Variants in KCNK3 observed in about 807,000 individuals in gnomAD.
KCNK3 encodes potassium two pore domain channel subfamily K member 3, also known as potassium channel subfamily K member 3.
A neutral mutation model predicts 27.3 loss-of-function variants in KCNK3; 9 were observed. That is an observed-to-expected ratio of 0.33 (90% CI 0.20 to 0.57). The LOEUF (loss-of-function observed/expected upper bound fraction) is 0.57. KCNK3 is among the 20% of genes least tolerant of loss of function. The pLI is 0.87. For synonymous variants in KCNK3, 278 were observed against 273.8 expected (o/e 1.02, Z -0.15); for missense variants, 391 against 577.7 (o/e 0.68, Z 3.31).
In KCNK3 at chr2:26,732,316, T is replaced by A. The variant is rs1181762747; in HGVS notation, c.*3748T>A. The A allele has an allele frequency of 6.6e-6, 1 of 152,234 alleles. No homozygotes were observed. Among genetic ancestry groups the A allele is most frequent in the South Asian group, 2.1e-4 (1 of 4,832 alleles). The allele number at this position is 152,234 out of a possible 1,614,324, so 9.4% of individuals were successfully genotyped here. ...CAGCCAATGATTCTAATACGTTCTG[T>A]TCTATTGCATGTTATAAAATGCTGG... On this transcript the variant is annotated 3_prime_UTR_variant, in exon 2 of 2. Coordinates refer to ENST00000302909, the MANE Select transcript of KCNK3 (RefSeq NM_002246.3).
At chr2:26,727,613 G>A (rs551912278) in intron 1 of KCNK3, 54 bp from the exon 2 acceptor site, 1 of 1,511,758 alleles carries the variant, frequency 6.6e-7, no homozygotes, top group East Asian at 2.3e-5. Flanking sequence ...GAAGGTTTCT[G>A]GAAGGGCAGC....
intron 1 of KCNK3, among the ~76,000 whole-genome samples, chr2:26,718,473 G>A (rs1470505659): frequency 6.6e-6 from 1 of 152,150 alleles, no homozygotes. Flanking sequence ...AAAAGTAATA[G>A]TTTTTTGTAG....
rs1423916271 is a variant in KCNK3 at position 26,727,590 on chromosome 2, C to T, written c.284-77C>T. On this transcript the variant is annotated intron_variant, in intron 1 of 1. Transcript: ENST00000302909. ...CAAGGTGGGGGAGGTGGCGGGGCAA[C>T]GGGGAGGGAGAAGAAGGTTTCTGGA... The T allele has an allele frequency of 9.9e-6, 15 of 1,509,308 alleles. No homozygotes were observed. In the East Asian group the frequency reaches 2.1e-4, roughly 21 times the overall value. The allele number at this position is 1,509,308 out of a possible 1,614,324, so 93.5% of individuals were successfully genotyped here.
At chr2:26,714,793 G>A (rs1287231671) in intron 1 of KCNK3, among the ~76,000 whole-genome samples, 1 of 123,030 alleles carries the variant, frequency 8.1e-6, no homozygotes, top group Non-Finnish European at 2.0e-5. Context: ...GGATGAGGCA[G>A]GAGAATCACT....
chr2:26,724,844 G>A (rs1663383845), intron 1 of KCNK3, among the ~76,000 whole-genome samples: 1 of 152,208 alleles, frequency 6.6e-6, no homozygotes, highest in Non-Finnish European at 1.5e-5. Context: ...GTGGGCTGGG[G>A]TAGGAGAGGC....
intron 1 of KCNK3, among the ~76,000 whole-genome samples, chr2:26,717,019 A>G (rs1463696454): frequency 6.6e-6 from 1 of 152,200 alleles, no homozygotes; most frequent in Non-Finnish European, 1.5e-5. Flanking sequence ...TCTTGGTTCT[A>G]TGGCAGAGTC....
In KCNK3 at chr2:26,728,210, G is replaced by A. The variant is rs556393203; in HGVS notation, c.827G>A (p.Gly276Asp). ...RNGQAGGGGG[G>D]GSAHTTDTAS... is the part of the protein sequence containing the mutation. ...GGGCAGGCGGGCGGCGGCGGAGGGG[G>A]TGGCAGCGCGCACACTACGGACACC... Residue 276 changes from glycine (G) to aspartate (D), a missense_variant, in exon 2 of 2, where the codon GGT becomes GAT. Coordinates refer to ENST00000302909, the MANE Select transcript of KCNK3 (RefSeq NM_002246.3). 3.3e-5 allele frequency: 52 copies of A among 1,562,824 alleles called. No homozygotes were observed. The South Asian group carries it at 5.6e-4, about 17-fold the overall frequency.
At chr2:26,706,668 G>A (rs1670377811) in intron 1 of KCNK3, among the ~76,000 whole-genome samples, 1 of 152,140 alleles carries the variant, frequency 6.6e-6, no homozygotes, top group Admixed American at 6.5e-5. Flanking sequence ...CTTGCATGCC[G>A]TGCCCAGCTA....
Position 26,729,774 on chromosome 2 carries a change from T to A in KCNK3, c.*1206T>A, listed in dbSNP as rs1234043678. 6.7e-6 allele frequency: 1 copy of A among 148,366 alleles called. No individual in the cohort carries two copies. The highest frequency in any genetic ancestry group is 1.5e-5 in the Non-Finnish European group (1 of 67,736). The allele number at this position is 148,366 out of a possible 1,614,324, so 9.2% of individuals were successfully genotyped here. ...TTGTTTGAGCCTGGGAGGTCGAGGC[T>A]GTAGTGAGCCCTGATTGCACCACTG... On this transcript the variant is annotated 3_prime_UTR_variant, in exon 2 of 2. Coordinates refer to ENST00000302909, the MANE Select transcript of KCNK3 (RefSeq NM_002246.3).
Position 26,708,316 on chromosome 2 carries a change from G to A in KCNK3, c.283+15158G>A, listed in dbSNP as rs371257628. On this transcript the variant is annotated intron_variant, in intron 1 of 1. Coordinates refer to ENST00000302909, the MANE Select transcript of KCNK3 (RefSeq NM_002246.3). Reference sequence around the variant, plus strand: ...GTGGCTGTGGCATGCTGAGTGAAGTGAGGAGAAGAGGCAGAAATCTGTAAG... The same window carrying A: ...GTGGCTGTGGCATGCTGAGTGAAGTAAGGAGAAGAGGCAGAAATCTGTAAG... 1.1e-4 allele frequency among the ~76,000 whole-genome samples: 16 copies of A among 152,290 alleles called. No homozygotes were observed. The East Asian group carries it at 2.9e-3, about 28-fold the overall frequency.
At position 26,692,920 on chromosome 2, in the gene KCNK3, C is replaced by G. The variant is rs1471836740; in HGVS notation, c.45C>G (p.Thr15=). ...NVRTLALIVC[T]FTYLLVGAAV... The stretch of plus-strand genomic sequence containing the variant: ...GCACGCTGGCGCTCATCGTGTGCAC[C>G]TTCACCTACCTGCTGGTGGGCGCCG... Residue 15 remains threonine, a synonymous_variant, in exon 1 of 2, where the codon ACC becomes ACG. Coordinates refer to ENST00000302909, the MANE Select transcript of KCNK3 (RefSeq NM_002246.3). The surrounding 1 kb of genome is among the most constrained non-coding windows in gnomAD (Gnocchi z 5.6). The G allele has an allele frequency of 1.2e-5, 18 of 1,532,050 alleles. No homozygotes were observed. Among genetic ancestry groups the G allele is most frequent in the Non-Finnish European group, 1.6e-5 (18 of 1,142,956 alleles). The allele number at this position is 1,532,050 out of a possible 1,614,324, so 94.9% of individuals were successfully genotyped here.
intron 1 of KCNK3, among the ~76,000 whole-genome samples, chr2:26,699,207 G>GAGAAAGAAAGAC (rs1553384398): frequency 3.1e-5 from 4 of 130,966 alleles, no homozygotes; most frequent in African/African-American, 1.2e-4. Context: ...AGGAAAGAGA[G>GAGAAAGAAAGAC]AGAAAGAAAG....
intron 1 of KCNK3, among the ~76,000 whole-genome samples, chr2:26,711,679 C>A (rs753257619): frequency 6.6e-6 from 1 of 152,294 alleles, no homozygotes; most frequent in Admixed American, 6.5e-5. Context: ...CCAATAGGGT[C>A]GTTTGAAGAT....
intron 1 of KCNK3, among the ~76,000 whole-genome samples, chr2:26,725,303 G>A (rs552328683): frequency 6.6e-6 from 1 of 152,230 alleles, no homozygotes; most frequent in African/African-American, 2.4e-5. Flanking sequence ...TCTCTCCTGT[G>A]CTCCTGCAGA....
rs145085191 is a variant in KCNK3 at position 26,707,588 on chromosome 2, T to C, written c.283+14430T>C. ...CTGTGGTTTGATCACTCAGAATGTT[T>C]TGGGGCCTGGTGTGATTCCCTGCTA... On this transcript the variant is annotated intron_variant, in intron 1 of 1. Transcript: ENST00000302909. 4.5e-3 allele frequency among the ~76,000 whole-genome samples: 678 copies of C among 152,274 alleles called. 5 individuals carry two copies. The highest frequency in any genetic ancestry group is 0.016 in the African/African-American group (647 of 41,548).
intron 1 of KCNK3, among the ~76,000 whole-genome samples, chr2:26,714,320 T>G (rs1016097671): frequency 6.6e-6 from 1 of 150,708 alleles, no homozygotes; most frequent in African/African-American, 2.4e-5. Context: ...GAGCTGCAAC[T>G]GCAGGCGACA....
intron 1 of KCNK3, among the ~76,000 whole-genome samples, chr2:26,718,894 G>A (rs1043800713): frequency 1.3e-5 from 2 of 152,166 alleles, no homozygotes; most frequent in Admixed American, 1.3e-4. Flanking sequence ...AGGCATGAAC[G>A]AGTGTGCCCA....
chr2:26,720,756 G>A (rs941074205), intron 1 of KCNK3, among the ~76,000 whole-genome samples: 1 of 152,130 alleles, frequency 6.6e-6, no homozygotes, highest in African/African-American at 2.4e-5. Context: ...GGGACAATGG[G>A]AAGAGAGGCC....
At position 26,705,307 on chromosome 2, in the gene KCNK3, CA is replaced by C. The variant is rs530087169; in HGVS notation, c.283+12150del. Among the ~76,000 whole-genome samples, 34 of 152,232 alleles carry C rather than the reference CA, an allele frequency of 2.2e-4. No individual in the cohort carries two copies. The South Asian group carries it at 6.9e-3, about 31-fold the overall frequency. On this transcript the variant is annotated intron_variant, in intron 1 of 1. Transcript: ENST00000302909. ...TTTTACAGATGAGAACACTGAGGCT[CA>C]GGGGGGTCAGGGGATGTGTCCAAAG...
Sources: allele counts gnomAD v4.1 joint callset (sites outside exome capture counted in the v4.1 genomes callset), GRCh38; gene constraint gnomAD v4.1.1; non-coding constraint Gnocchi (gnomAD v3.1); transcripts MANE v1.5; gene names NCBI Gene and HGNC (gene_info 2026-07-23, HGNC 2026-07-21).